Variants in BAIAP3 observed in about 807,000 individuals in gnomAD.
The protein encoded by BAIAP3 is BAI1-associated protein 3.
A neutral mutation model predicts 149.7 loss-of-function variants in BAIAP3; 180 were observed. The observed-to-expected ratio is 1.20, with a 90% CI of 1.07 to 1.36. The LOEUF is 1.36. Among genes scored for constraint, BAIAP3 ranks in the 40% most tolerant of loss-of-function variants. The pLI, the probability that BAIAP3 is intolerant of heterozygous loss-of-function variation, is 0.00. For synonymous variants in BAIAP3, 845 were observed against 670.7 expected (o/e 1.26, Z -4.02); for missense variants, 1,767 against 1,563.4 (o/e 1.13, Z -2.20).
rs768223275 is a variant in BAIAP3 at position 1,346,230 on chromosome 16, G to A, written c.2362G>A (p.Gly788Ser). 3.5e-5 allele frequency: 56 copies of A among 1,611,988 alleles called. No individual in the cohort carries two copies. Among genetic ancestry groups the A allele is most frequent in the Non-Finnish European group, 4.7e-5 (56 of 1,179,650 alleles). Residue 788 changes from glycine to serine, a missense_variant, in exon 25 of 34, where the codon GGC (glycine) becomes AGC (serine). Transcript: ENST00000426824. ...VRKAAGQALK[G>S]LAWPEGATGP... Reference sequence around the variant, plus strand: ...CAAGGCTGCTGGGCAGGCCTTGAAGGGCCTGGCATGGCCAGAGGGGGCCAC... The same window carrying A: ...CAAGGCTGCTGGGCAGGCCTTGAAGAGCCTGGCATGGCCAGAGGGGGCCAC...
rs2033684371 is a variant in BAIAP3, at chr16:1,339,209, C to A, written c.265C>A (p.Pro89Thr). ...GSPAPPEPVD[P>T]SLGLRALAPE... The stretch of plus-strand genomic sequence containing the variant: ...GCCAGCACCCCCGGAGCCTGTGGAT[C>A]CCAGCCTCGGCCTGAGAGCCCTGGC... Residue 89 changes from proline to threonine, a missense_variant, in exon 4 of 34, where the codon CCC becomes ACC. Coordinates refer to ENST00000426824, the MANE Select transcript of BAIAP3 (RefSeq NM_001199097.2). 5.7e-6 allele frequency: 9 copies of A among 1,565,632 alleles called. No individual in the cohort carries two copies. Among genetic ancestry groups the A allele is most frequent in the Non-Finnish European group, 6.0e-6 (7 of 1,157,460 alleles).
intron 1 of BAIAP3, among the ~76,000 whole-genome samples, chr16:1,338,227 G>A (rs760938655): frequency 4.6e-5 from 7 of 152,100 alleles, no homozygotes; most frequent in Non-Finnish European, 1.5e-5. Context: ...CGCCTCCCTC[G>A]CCAGTGAGAC....
chr16:1,344,223 C>G lies in BAIAP3; in HGVS notation c.1512-4C>G, dbSNP rs778493750. 1 of 1,613,332 alleles carries G rather than the reference C, an allele frequency of 6.2e-7. No individual in the cohort carries two copies. Among genetic ancestry groups the G allele is most frequent in the Admixed American group, 1.7e-5 (1 of 60,028 alleles). On this transcript the variant is annotated splice_region_variant and splice_polypyrimidine_tract_variant and intron_variant, in intron 16 of 33. Transcript: ENST00000426824. ...CCCCACGTCAGCGTGCTGCCCCCAC[C>G]CAGGTGTCTGGGCAAGCTGCAGCTC...
intron 10 of BAIAP3, 26 bp from the exon 11 acceptor site, chr16:1,342,155 T>G: frequency 1.9e-6 from 3 of 1,583,076 alleles, no homozygotes; most frequent in Non-Finnish European, 2.6e-6. Context: ...GCCATCAGCG[T>G]GATGCTCACC....
At position 1,345,284 on chromosome 16, in the gene BAIAP3, C is replaced by A. The variant is rs370188967; in HGVS notation, c.1976C>A (p.Ala659Asp). 6.2e-7 allele frequency: 1 copy of A among 1,613,140 alleles called. No individual in the cohort carries two copies. Among genetic ancestry groups the A allele is most frequent in the South Asian group, 1.1e-5 (1 of 91,084 alleles). The change falls in exon 22 of 34, where the codon GCC (alanine) becomes GAC (aspartate). Residue 659 changes from alanine (A) to aspartate (D), a missense_variant. Transcript: ENST00000426824. ...SRSLALAGIHAPFLPAVKLWF... is the reference protein window; with the variant it reads ...SRSLALAGIHDPFLPAVKLWF... ...TCTCTGGCCCTGGCTGGCATCCACG[C>A]CCCCTTCCTGCCTGCTGTGAAGCTC... is the stretch of plus-strand genomic sequence containing the variant.
chr16:1,343,935 G>A, intron 15 of BAIAP3, 87 bp from the exon 16 acceptor site: 2 of 1,569,030 alleles, frequency 1.3e-6, no homozygotes, highest in Non-Finnish European at 1.7e-6. Flanking sequence ...GCCCGGGGAA[G>A]GGTGTTGCGG....
chr16:1,338,084 C>T (rs1259435076), intron 1 of BAIAP3, among the ~76,000 whole-genome samples: 1 of 152,182 alleles, frequency 6.6e-6, no homozygotes, highest in African/African-American at 2.4e-5. Flanking sequence ...CCGTCCTGGC[C>T]CCAGAGTCGG....
Position 1,347,913 on chromosome 16 carries a change from G to A in BAIAP3, c.3045G>A (p.Val1015=), listed in dbSNP as rs755202527. The A allele has an allele frequency of 1.9e-6, 3 of 1,611,960 alleles. No individual in the cohort carries two copies. The highest frequency in any genetic ancestry group is 2.2e-5 in the East Asian group (1 of 44,878). Residue 1015 remains valine (V), a synonymous_variant, in exon 32 of 34, where the codon GTG becomes GTA. Coordinates refer to ENST00000426824, the MANE Select transcript of BAIAP3 (RefSeq NM_001199097.2). ...LDANGLSDPF[V]IVELGPPHLF... ...CTGCAGGCTTAAGTGACCCCTTTGT[G>A]ATCGTGGAGCTGGGCCCACCGCATC...
In BAIAP3 at chr16:1,333,725, C is replaced by G. The variant is rs917113350; in HGVS notation, c.-35C>G. On this transcript the variant is annotated 5_prime_UTR_variant, in exon 1 of 34. Transcript: ENST00000426824. ...GTGCCGAGCGCAGCGCCCCAGGAGC[C>G]CCCCCATCCCCGCGCCGGCCCACGG... 1 of 39,928 alleles carries G rather than the reference C, an allele frequency of 2.5e-5. No individual in the cohort carries two copies. The highest frequency in any genetic ancestry group is 4.2e-5 in the Non-Finnish European group (1 of 23,538). The allele number at this position is 39,928 out of a possible 1,614,324, so 2.5% of individuals were successfully genotyped here.
In BAIAP3 at chr16:1,345,051, A is replaced by G; in HGVS notation, c.1892A>G (p.Tyr631Cys). ...LEVASGLFEL[Y>C]LTLADLQRFW... Reference sequence around the variant, plus strand: ...GTGGCCTCGGGGCTCTTTGAGCTCTACCTGACCCTGGCTGACCTCCAGCGC... The same window carrying G: ...GTGGCCTCGGGGCTCTTTGAGCTCTGCCTGACCCTGGCTGACCTCCAGCGC... Residue 631 changes from tyrosine to cysteine, a missense_variant, in exon 21 of 34, where the codon TAC becomes TGC. Transcript: ENST00000426824. 2.5e-6 allele frequency: 4 copies of G among 1,612,402 alleles called. No homozygotes were observed. Among genetic ancestry groups the G allele is most frequent in the Non-Finnish European group, 2.5e-6 (3 of 1,179,974 alleles).
rs778593583 is a variant in BAIAP3, at chr16:1,347,359, G to T, written c.2813G>T (p.Gly938Val). ...TTGCCCCTGGAGAGCCTGAGGGATG[G>T]AAGCTACAAGGTGAGGTGGGACCCT... is the stretch of plus-strand genomic sequence containing the variant. ...QGLPLESLRD[G>V]SYKRLKEELR... Residue 938 changes from glycine (G) to valine (V), a missense_variant, in exon 29 of 34, where the codon GGA becomes GTA. By Grantham distance (109) the Gly-to-Val change is moderately radical. Transcript: ENST00000426824. 1 of 1,613,430 alleles carries T rather than the reference G, an allele frequency of 6.2e-7. No homozygotes were observed. Among genetic ancestry groups the T allele is most frequent in the Non-Finnish European group, 8.5e-7 (1 of 1,179,980 alleles).
At chr16:1,341,890 G>A (rs1409412097) in intron 9 of BAIAP3, 24 bp downstream of exon 9, 1 of 1,607,042 alleles carries the variant, frequency 6.2e-7, no homozygotes, top group Non-Finnish European at 8.5e-7. Context: ...CGCCATGCAG[G>A]GCGGCGGGGA....
At chr16:1,345,428 C>A in intron 22 of BAIAP3, 56 bp downstream of exon 22, 1 of 1,528,316 alleles carries the variant, frequency 6.5e-7, no homozygotes. Flanking sequence ...CCAGCCTCCC[C>A]CGCCTCCCCA....
Position 1,348,301 on chromosome 16 carries a change from G to A in BAIAP3, c.3355G>A (p.Val1119Met), listed in dbSNP as rs1440504546. Residue 1119 changes from valine (V) to methionine (M), a missense_variant and splice_region_variant, in exon 33 of 34, where the codon GTG (valine) becomes ATG (methionine). Physicochemically the swap from Val to Met is conservative, Grantham distance 21. Transcript: ENST00000426824. ...GCACCTGTGCCGGCCCAGAGCCCAG[G>A]GTGAGTGAGCATCTGGGTGGAGGCA... ...TLHLCRPRAQ[V>M]RSALRRLEGR... 27 of 1,601,778 alleles carry A rather than the reference G, an allele frequency of 1.7e-5. No homozygotes were observed. The highest frequency in any genetic ancestry group is 2.3e-5 in the Non-Finnish European group (27 of 1,174,764).
In BAIAP3 at chr16:1,341,862, A is replaced by G; in HGVS notation, c.772A>G (p.Ile258Val). The change falls in exon 9 of 34, where the codon ATC becomes GTC. Residue 258 changes from isoleucine to valine, a missense_variant. By Grantham distance (29) the Ile-to-Val change is conservative. Transcript: ENST00000426824. ...GAGCACGGACCAGCTGCACCTGGAC[A>G]TCTGGTACAGGCCCCTGCGCCATGC... ...DVSTDQLHLD[I>V]WDHDDDVSLV... 2.5e-6 allele frequency: 4 copies of G among 1,612,388 alleles called. No individual in the cohort carries two copies. The highest frequency in any genetic ancestry group is 3.4e-6 in the Non-Finnish European group (4 of 1,179,772).
rs1252682771 is a variant in BAIAP3, at chr16:1,340,771, C to T, written c.409-151C>T. The T allele has an allele frequency of 6.2e-6, 5 of 805,824 alleles. No homozygotes were observed. The East Asian group carries it at 1.3e-4, about 22-fold the overall frequency. The allele number at this position is 805,824 out of a possible 1,614,324, so 49.9% of individuals were successfully genotyped here. On this transcript the variant is annotated intron_variant, in intron 5 of 33. Coordinates refer to ENST00000426824, the MANE Select transcript of BAIAP3 (RefSeq NM_001199097.2). ...ATGCCCAGGCCCCTTGGCACAAACCCTCTGCCGCTGCCTCCCAGGCTTCCC... is the reference window on the plus strand; with the variant it reads ...ATGCCCAGGCCCCTTGGCACAAACCTTCTGCCGCTGCCTCCCAGGCTTCCC...
intron 1 of BAIAP3, among the ~76,000 whole-genome samples, chr16:1,338,329 G>C (rs76435359): frequency 0.08 from 12,095 of 152,138 alleles, 1,170 homozygotes; most frequent in African/African-American, 0.23. Flanking sequence ...CCGCCCTGCA[G>C]GGGGCGCAGG....
Position 1,346,039 on chromosome 16 carries a change from C to T in BAIAP3, c.2262C>T (p.Asp754=), listed in dbSNP as rs773216797. ...FYTELLRKKV[D]TQPGAAGEAV... ...CGGAGCTGCTTCGGAAGAAGGTGGA[C>T]ACTCAGCCAGGGGCGGCCGGTGAAG... Residue 754 remains aspartate (D), a synonymous_variant, in exon 24 of 34, where the codon GAC becomes GAT. Coordinates refer to ENST00000426824, the MANE Select transcript of BAIAP3 (RefSeq NM_001199097.2). The T allele has an allele frequency of 1.9e-6, 3 of 1,611,720 alleles. No homozygotes were observed. Among genetic ancestry groups the T allele is most frequent in the Admixed American group, 3.3e-5 (2 of 59,896 alleles).
intron 8 of BAIAP3, 89 bp from the exon 9 acceptor site, chr16:1,341,733 C>T: frequency 7.1e-7 from 1 of 1,416,830 alleles, no homozygotes; most frequent in Non-Finnish European, 9.7e-7. Flanking sequence ...GTGCTTGTGG[C>T]CTGGTCCCTG....
Sources: gnomAD v4.1 joint callset for allele counts (sites outside exome capture counted in the v4.1 genomes callset) on GRCh38, gnomAD v4.1.1 for gene constraint, MANE v1.5 for transcripts, NCBI Gene and HGNC (gene_info 2026-07-23, HGNC 2026-07-21) for gene names.